Variants in PBX3 observed in about 807,000 individuals in gnomAD.
PBX3 encodes the protein pre-B-cell leukemia transcription factor 3.
In PBX3, 14 loss-of-function variants were observed where a neutral mutation model predicts 48.5. The observed-to-expected ratio is 0.29, with a 90% CI of 0.19 to 0.45. The LOEUF is 0.45. PBX3 is among the 20% of genes least tolerant of loss of function. The pLI is 1.00. For missense variants in PBX3, 386 were observed against 546.7 expected (o/e 0.71, Z 2.93); for synonymous variants, 210 against 200.3 (o/e 1.05, Z -0.41).
intron 5 of PBX3, among the ~76,000 whole-genome samples, chr9:125,958,814 G>C (rs1045597404): frequency 2.0e-5 from 3 of 152,204 alleles, no homozygotes; most frequent in East Asian, 3.8e-4. Context: ...TTTTGAATAT[G>C]GATAAGGTTG....
rs1280903588 is a variant in PBX3, at chr9:125,846,153, T to A, written c.275-69533T>A. On this transcript the variant is annotated intron_variant, in intron 2 of 8. Transcript: ENST00000373489. ...TCATCTACTCATGTTTTAATTTTCT[T>A]TATTTTCCTATTAGCTAGAAATTAT... 2.0e-5 allele frequency among the ~76,000 whole-genome samples: 3 copies of A among 152,236 alleles called. No homozygotes were observed. The East Asian group carries it at 5.8e-4, about 29-fold the overall frequency.
intron 5 of PBX3, among the ~76,000 whole-genome samples, chr9:125,952,097 C>T (rs1260224392): frequency 6.6e-6 from 1 of 152,130 alleles, no homozygotes; most frequent in Non-Finnish European, 1.5e-5. Context: ...CTGCCATGTT[C>T]CATTATACAT....
chr9:125,779,311 G>C (rs1427964497), intron 2 of PBX3, among the ~76,000 whole-genome samples: 1 of 139,938 alleles, frequency 7.1e-6, no homozygotes, highest in Non-Finnish European at 1.5e-5. Context: ...CGCAGAGGGG[G>C]ATTTGGCAGG....
At chr9:125,781,531 C>G (rs189241390) in intron 2 of PBX3, among the ~76,000 whole-genome samples, 6 of 83,862 alleles carry the variant, frequency 7.2e-5, no homozygotes, top group African/African-American at 2.9e-4. Context: ...AGAGGGTGAC[C>G]GAGAGGGAGA....
intron 2 of PBX3, among the ~76,000 whole-genome samples, chr9:125,778,381 C>G (rs1359314982): frequency 6.6e-6 from 1 of 152,050 alleles, no homozygotes; most frequent in Non-Finnish European, 1.5e-5. Flanking sequence ...CCTCAGCCTC[C>G]CGAATAGCTG....
chr9:125,780,965 G>T (rs193111085), intron 2 of PBX3, among the ~76,000 whole-genome samples: 124 of 79,988 alleles, frequency 1.6e-3, no homozygotes, highest in Middle Eastern at 6.1e-3. Context: ...ACGGGGTTGC[G>T]GCCGGGCAGA....
chr9:125,923,650 C>T (rs1342358579), intron 3 of PBX3, among the ~76,000 whole-genome samples: 1 of 152,102 alleles, frequency 6.6e-6, no homozygotes, highest in East Asian at 1.9e-4. Flanking sequence ...ACTGAAGCCT[C>T]GACCTCCTGG....
intron 5 of PBX3, among the ~76,000 whole-genome samples, chr9:125,943,425 G>GAT (rs1405717204): frequency 2.1e-5 from 3 of 140,008 alleles, no homozygotes; most frequent in African/African-American, 7.9e-5. Flanking sequence ...TTGCAGCTTA[G>GAT]ATTTAGGGTT....
At chr9:125,851,539 T>A (rs1344567787) in intron 2 of PBX3, among the ~76,000 whole-genome samples, 7 of 152,136 alleles carry the variant, frequency 4.6e-5, no homozygotes, top group Admixed American at 4.6e-4. Flanking sequence ...TGATAAACAC[T>A]ATGTTGGCCT....
At chr9:125,803,416 A>T (rs539750515) in intron 2 of PBX3, among the ~76,000 whole-genome samples, 1 of 152,272 alleles carries the variant, frequency 6.6e-6, no homozygotes, top group Non-Finnish European at 1.5e-5. Context: ...AAGAAAAGTA[A>T]AAGTAAAAAA....
At chr9:125,953,333 C>T (rs780926681) in intron 5 of PBX3, among the ~76,000 whole-genome samples, 9 of 151,964 alleles carry the variant, frequency 5.9e-5, no homozygotes, top group East Asian at 1.9e-4. Flanking sequence ...AAAAATTAGC[C>T]GGCCGTAGTG....
At position 125,862,083 on chromosome 9, in the gene PBX3, A is replaced by G. The variant is rs560531400; in HGVS notation, c.275-53603A>G. 2.0e-5 allele frequency among the ~76,000 whole-genome samples: 3 copies of G among 152,336 alleles called. No homozygotes were observed. The South Asian group carries it at 6.2e-4, about 32-fold the overall frequency. On this transcript the variant is annotated intron_variant, in intron 2 of 8. Coordinates refer to ENST00000373489, the MANE Select transcript of PBX3 (RefSeq NM_006195.6). ...ACATTTTCACATTTCTGAAATCAGG[A>G]TGCCTTTTACAGACAATGGTGTCTT...
intron 2 of PBX3, among the ~76,000 whole-genome samples, chr9:125,788,074 A>G (rs2132054447): frequency 6.6e-6 from 1 of 152,354 alleles, no homozygotes; most frequent in South Asian, 2.1e-4. Flanking sequence ...TTTTAAATGA[A>G]TGTGACAATT....
rs192910908 is a variant in PBX3, at chr9:125,840,106, T to A, written c.275-75580T>A. Among the ~76,000 whole-genome samples, 352 of 152,266 alleles carry A rather than the reference T, an allele frequency of 2.3e-3. 6 individuals carry two copies. In the East Asian group the frequency reaches 0.043, roughly 18 times the overall value. Reference sequence around the variant, plus strand: ...GTTCACAGACCTGTCTTCTTTTTTTTAAATATCTTAAATAGTAAATAGTGA... The same window carrying A: ...GTTCACAGACCTGTCTTCTTTTTTTAAAATATCTTAAATAGTAAATAGTGA... On this transcript the variant is annotated intron_variant, in intron 2 of 8. Coordinates refer to ENST00000373489, the MANE Select transcript of PBX3 (RefSeq NM_006195.6).
At chr9:125,758,786 GC>G (rs1321803284) in intron 2 of PBX3, among the ~76,000 whole-genome samples, 1 of 152,048 alleles carries the variant, frequency 6.6e-6, no homozygotes, top group Non-Finnish European at 1.5e-5. Flanking sequence ...ATGTCTGTGT[GC>G]AGCAATGTCT....
At chr9:125,960,259 T>G (rs1314365489) in intron 5 of PBX3, among the ~76,000 whole-genome samples, 2 of 152,240 alleles carry the variant, frequency 1.3e-5, no homozygotes, top group East Asian at 3.8e-4. Context: ...GATTCTACTA[T>G]ACAGCTGCCA....
chr9:125,885,188 C>T, intron 2 of PBX3, among the ~76,000 whole-genome samples: 1 of 152,158 alleles, frequency 6.6e-6, no homozygotes, highest in East Asian at 1.9e-4. Flanking sequence ...AAAATACATA[C>T]ATAGTATTGT....
chr9:125,808,476 G>T (rs1174958214), intron 2 of PBX3, among the ~76,000 whole-genome samples: 2 of 152,084 alleles, frequency 1.3e-5, no homozygotes, highest in African/African-American at 4.8e-5. Flanking sequence ...AGGAATTTGA[G>T]ACCACCCTGG....
At chr9:125,803,801 C>T (rs1352279131) in intron 2 of PBX3, among the ~76,000 whole-genome samples, 2 of 152,186 alleles carry the variant, frequency 1.3e-5, no homozygotes, top group African/African-American at 4.8e-5. Flanking sequence ...TCATCTACCT[C>T]TAATTTTTAA....
Sources: allele counts gnomAD v4.1 joint callset (sites outside exome capture counted in the v4.1 genomes callset), GRCh38; gene constraint gnomAD v4.1.1; transcripts MANE v1.5; gene names NCBI Gene and HGNC (gene_info 2026-07-23, HGNC 2026-07-21).